The following SYNE2 variants were observed in gnomAD, a reference collection of about 807,000 sequenced individuals.
SYNE2 encodes nesprin-2.
A neutral mutation model predicts 856.3 loss-of-function variants in SYNE2; 431 were observed. The ratio of observed to expected loss-of-function variants is 0.50; its 90% confidence interval spans 0.47 to 0.55. The LOEUF is 0.55. Ranked by LOEUF, SYNE2 falls within the 20% of genes least tolerant of loss-of-function variation. The pLI is 0.00. For synonymous variants in SYNE2, 2,923 were observed against 2,872.3 expected (o/e 1.02, Z -0.56); for missense variants, 8,129 against 8,023.2 (o/e 1.01, Z -0.50).
At chr14:64,135,262 C>T (rs992032940) in intron 78 of SYNE2, among the ~76,000 whole-genome samples, 3 of 152,080 alleles carry the variant, frequency 2.0e-5, no homozygotes, top group Non-Finnish European at 4.4e-5. Context: ...AACTTTAAAA[C>T]CTCAAAAGCA....
Position 63,805,663 on chromosome 14 carries a change from G to A in SYNE2, c.-305+43677G>A, listed in dbSNP as rs138486454. On this transcript the variant is annotated intron_variant, in intron 1 of 23. Coordinates refer to the SYNE2 transcript ENST00000674003. ...GTGCTGATTACAAGCGTGAGCCACCGCGCCCGGCCATCACTGTAGAGATCT... is the reference window on the plus strand; with the variant it reads ...GTGCTGATTACAAGCGTGAGCCACCACGCCCGGCCATCACTGTAGAGATCT... Among the ~76,000 whole-genome samples, 262 of 152,084 alleles carry A rather than the reference G, an allele frequency of 1.7e-3. 1 individual carries two copies. The highest frequency in any genetic ancestry group is 6.1e-3 in the African/African-American group (253 of 41,450).
chr14:63,765,245 AG>A (rs1886627885), intron 1 of SYNE2, among the ~76,000 whole-genome samples: 1 of 152,218 alleles, frequency 6.6e-6, no homozygotes, highest in African/African-American at 2.4e-5. Context: ...CAGAAGGGCA[AG>A]GGATGGATCT....
At chr14:64,107,834 T>G (rs1282927690) in intron 65 of SYNE2, among the ~76,000 whole-genome samples, 4 of 152,252 alleles carry the variant, frequency 2.6e-5, no homozygotes, top group Non-Finnish European at 5.9e-5. Flanking sequence ...TTCACTCATT[T>G]ACCATTTGTC....
At chr14:63,997,214 A>G in intron 24 of SYNE2, 56 bp downstream of exon 24, 1 of 1,588,268 alleles carries the variant, frequency 6.3e-7, no homozygotes, top group South Asian at 1.1e-5. Flanking sequence ...CTTTTGCACG[A>G]TCAAATGACA....
At chr14:64,087,458 T>C in intron 57 of SYNE2, 1 of 717,880 alleles carries the variant, frequency 1.4e-6, no homozygotes, top group Non-Finnish European at 2.6e-6. Flanking sequence ...ACCAAATATT[T>C]ATGTTTCTTA....
At chr14:64,156,225 C>A (rs1051475515) in intron 85 of SYNE2, among the ~76,000 whole-genome samples, 4 of 152,096 alleles carry the variant, frequency 2.6e-5, no homozygotes, top group Non-Finnish European at 4.4e-5. Flanking sequence ...GGCCAGAAGG[C>A]CTTTAAGGTG....
intron 80 of SYNE2, among the ~76,000 whole-genome samples, chr14:64,140,687 A>G (rs1006646647): frequency 1.3e-5 from 2 of 152,238 alleles, no homozygotes; most frequent in East Asian, 3.8e-4. Flanking sequence ...ACATTAATAA[A>G]TGCATAGTTT....
chr14:63,914,423 C>T (rs2095511280), intron 2 of SYNE2, among the ~76,000 whole-genome samples: 1 of 152,162 alleles, frequency 6.6e-6, no homozygotes, highest in Non-Finnish European at 1.5e-5. Context: ...GCAGTGCCTA[C>T]CTATTGTGTC....
chr14:63,958,821 T>C (rs968533215), intron 8 of SYNE2, among the ~76,000 whole-genome samples: 4 of 152,352 alleles, frequency 2.6e-5, no homozygotes, highest in Admixed American at 1.3e-4. Context: ...TATGGACTTA[T>C]TGATATTTTA....
chr14:64,191,086 C>CT (rs1335822577), intron 99 of SYNE2: 1 of 694,654 alleles, frequency 1.4e-6, no homozygotes, highest in African/African-American at 1.8e-5. Context: ...ACAGGAGAAC[C>CT]TATAAGGTGA....
At chr14:63,838,470 G>C (rs1345791271) in intron 1 of SYNE2, among the ~76,000 whole-genome samples, 1 of 151,948 alleles carries the variant, frequency 6.6e-6, no homozygotes, top group East Asian at 1.9e-4. Flanking sequence ...AATGTTGCTG[G>C]AAATATATAT....
At chr14:64,194,522 C>G (rs1013202871) in intron 99 of SYNE2, among the ~76,000 whole-genome samples, 1 of 152,326 alleles carries the variant, frequency 6.6e-6, no homozygotes, top group African/African-American at 2.4e-5. Context: ...CCAAGCTGGT[C>G]TTGAGCTCCT....
chr14:64,001,425 C>A (rs973557383), intron 28 of SYNE2, among the ~76,000 whole-genome samples: 5 of 152,128 alleles, frequency 3.3e-5, no homozygotes, highest in Non-Finnish European at 5.9e-5. Context: ...TGGCTCCTGC[C>A]CATAATCCCA....
At chr14:64,164,939 G>A (rs904078455) in intron 89 of SYNE2, among the ~76,000 whole-genome samples, 5 of 151,904 alleles carry the variant, frequency 3.3e-5, no homozygotes, top group Non-Finnish European at 5.9e-5. Flanking sequence ...CCAGGCTGGC[G>A]TGCAGTGGCA....
chr14:64,118,352 A>T (rs2097868050), intron 66 of SYNE2, among the ~76,000 whole-genome samples: 1 of 152,234 alleles, frequency 6.6e-6, no homozygotes, highest in Non-Finnish European at 1.5e-5. Flanking sequence ...AACTTACTTC[A>T]TCCAGCTGAT....
intron 1 of SYNE2, among the ~76,000 whole-genome samples, chr14:63,802,458 T>C (rs1414759143): frequency 2.0e-5 from 3 of 152,154 alleles, no homozygotes; most frequent in Non-Finnish European, 4.4e-5. Flanking sequence ...ACTTCCCTTA[T>C]GTCAGATGAG....
chr14:63,946,455 C>T (rs753878081), intron 6 of SYNE2, among the ~76,000 whole-genome samples: 67 of 150,794 alleles, frequency 4.4e-4, no homozygotes, highest in Non-Finnish European at 7.8e-4. Flanking sequence ...CACATATATA[C>T]TGGAGATATA....
In SYNE2 at chr14:63,997,157, G is replaced by A. The variant is rs759696843; in HGVS notation, c.3151G>A (p.Glu1051Lys). 1.9e-6 allele frequency: 3 copies of A among 1,613,222 alleles called. No individual in the cohort carries two copies. Among genetic ancestry groups the A allele is most frequent in the Admixed American group, 1.7e-5 (1 of 59,946 alleles). ...QPTAGGTSKN[E>K]GTITTSENRG... Reference sequence around the variant, plus strand: ...CACAGCGGGAGGCACGTCGAAAAACGAGTTAGTACTTCATAAGAATAGCTA... The same window carrying A: ...CACAGCGGGAGGCACGTCGAAAAACAAGTTAGTACTTCATAAGAATAGCTA... Residue 1051 changes from glutamate (E) to lysine (K), a missense_variant and splice_region_variant, in exon 24 of 116, where the codon GAG becomes AAG. Coordinates refer to ENST00000555002, the MANE Select transcript of SYNE2 (RefSeq NM_182914.3).
intron 3 of SYNE2, 138 bp from the exon 4 acceptor site, chr14:63,941,557 T>G (rs2095916769): frequency 1.4e-6 from 1 of 711,124 alleles, no homozygotes; most frequent in East Asian, 2.6e-5. Flanking sequence ...AATCTTTGCA[T>G]GTTCTCTCTC....
Sources: allele counts gnomAD v4.1 joint callset (sites outside exome capture counted in the v4.1 genomes callset), GRCh38; gene constraint gnomAD v4.1.1; transcripts MANE v1.5; gene names NCBI Gene and HGNC (gene_info 2026-07-23, HGNC 2026-07-21).